The following FGD2 variants were observed in gnomAD, a reference collection of about 807,000 sequenced individuals.
FGD2 encodes FYVE, RhoGEF and PH domain containing 2.
In FGD2, 52 loss-of-function variants were observed where a neutral mutation model predicts 75.9. The observed-to-expected ratio is 0.69, with a 90% CI of 0.55 to 0.86. The LOEUF is 0.86. FGD2 is among the 40% of genes least tolerant of loss of function. The pLI is 0.00. For synonymous variants in FGD2, 347 were observed against 348.6 expected (o/e 1.00, Z 0.05); for missense variants, 790 against 872.0 (o/e 0.91, Z 1.18).
At chr6:37,012,482 T>G (rs139918887) in intron 4 of FGD2, among the ~76,000 whole-genome samples, 2,342 of 151,944 alleles carry the variant, frequency 0.015, 36 homozygotes, top group Middle Eastern at 0.054. Flanking sequence ...GAGGCCAAGG[T>G]GGGTGGATCA....
intron 9 of FGD2, among the ~76,000 whole-genome samples, chr6:37,019,659 G>A (rs1210667763): frequency 6.6e-6 from 1 of 152,168 alleles, no homozygotes; most frequent in Non-Finnish European, 1.5e-5. Context: ...GATGGAAATA[G>A]ATGTTCTTCC....
At chr6:37,020,440 AT>A in intron 9 of FGD2, 100 bp from the exon 10 acceptor site, 1 of 1,137,258 alleles carries the variant, frequency 8.8e-7, no homozygotes, top group East Asian at 2.6e-5. Context: ...TCGAATTTGA[AT>A]TGTCCCTTGG....
In FGD2 at chr6:37,028,380, T is replaced by C; in HGVS notation, c.*217T>C. The C allele has an allele frequency of 1.9e-6, 1 of 526,532 alleles. No individual in the cohort carries two copies. Among genetic ancestry groups the C allele is most frequent in the East Asian group, 3.0e-5 (1 of 33,880 alleles). The allele number at this position is 526,532 out of a possible 1,614,324, so 32.6% of individuals were successfully genotyped here. A position where few individuals can be genotyped will look rare whatever the true frequency, so the allele number is the denominator to read the frequency against. On this transcript the variant is annotated 3_prime_UTR_variant, in exon 16 of 16. Transcript: ENST00000274963. ...GACAACCAAGTGTCTCAGTTTGCCT[T>C]GCGGGGAGGGGGCTCCTGGGCCATG... is the stretch of plus-strand genomic sequence containing the variant.
Position 37,015,759 on chromosome 6 carries a change from C to A in FGD2, c.1030-9C>A. The A allele has an allele frequency of 1.3e-6, 2 of 1,578,046 alleles. No individual in the cohort carries two copies. Among genetic ancestry groups the A allele is most frequent in the Non-Finnish European group, 1.7e-6 (2 of 1,162,148 alleles). On this transcript the variant is annotated splice_polypyrimidine_tract_variant and intron_variant, in intron 8 of 15. Coordinates refer to ENST00000274963, the MANE Select transcript of FGD2 (RefSeq NM_173558.4). ...TGCCACGGGCCACTCACGCCTGTGT[C>A]TCCTGCAGTTCAACAACATGCTGCT...
chr6:37,012,764 A>G (rs1765073613), intron 4 of FGD2, among the ~76,000 whole-genome samples: 1 of 151,384 alleles, frequency 6.6e-6, no homozygotes, highest in Non-Finnish European at 1.5e-5. Context: ...ACCCTATGAG[A>G]TCGCCTGCCA....
intron 11 of FGD2, among the ~76,000 whole-genome samples, chr6:37,020,998 ATG>A (rs974528500): frequency 2.7e-5 from 4 of 147,368 alleles, no homozygotes; most frequent in African/African-American, 1.0e-4. Flanking sequence ...GTGTGCATGC[ATG>A]TGTGTGCGTG....
chr6:37,013,547 G>A, intron 4 of FGD2, 62 bp from the exon 5 acceptor site: 2 of 1,568,304 alleles, frequency 1.3e-6, no homozygotes, highest in Non-Finnish European at 1.7e-6. Flanking sequence ...GCCTCACCTG[G>A]CCCTATCTAG....
intron 1 of FGD2, 87 bp downstream of exon 1, chr6:37,005,972 C>T (rs1764729847): frequency 6.9e-7 from 1 of 1,442,532 alleles, no homozygotes. Context: ...TGGGCCCTGC[C>T]CCGGACCCTC....
Position 37,011,604 on chromosome 6 carries a change from G to A in FGD2, c.379-102G>A, listed in dbSNP as rs931142968. The A allele has an allele frequency of 2.0e-6, 3 of 1,491,534 alleles. No homozygotes were observed. The African/African-American group carries it at 4.2e-5, about 21-fold the overall frequency. The allele number at this position is 1,491,534 out of a possible 1,614,324, so 92.4% of individuals were successfully genotyped here. Reference sequence around the variant, plus strand: ...TGTGAGGATGCCGGGAGATCAGGGAGGTGGAAGCATGCAGTAGGCTTGGTG... The same window carrying A: ...TGTGAGGATGCCGGGAGATCAGGGAAGTGGAAGCATGCAGTAGGCTTGGTG... On this transcript the variant is annotated intron_variant, in intron 3 of 15. Transcript: ENST00000274963.
At chr6:37,022,216 G>T in intron 12 of FGD2, 23 bp from the exon 13 acceptor site, 1 of 1,595,466 alleles carries the variant, frequency 6.3e-7, no homozygotes. Context: ...GCCCATTCCT[G>T]CCCAACTCCC....
At chr6:37,018,923 A>G (rs1765436474) in intron 9 of FGD2, among the ~76,000 whole-genome samples, 2 of 152,210 alleles carry the variant, frequency 1.3e-5, no homozygotes, top group South Asian at 4.1e-4. Flanking sequence ...CCCTGGGGAA[A>G]GTGGTTGAGG....
chr6:37,008,699 C>T, intron 1 of FGD2, 135 bp from the exon 2 acceptor site: 1 of 645,874 alleles, frequency 1.5e-6, no homozygotes, highest in Non-Finnish European at 2.6e-6. Context: ...TCAGCATGTT[C>T]CCAAAGAAAG....
intron 9 of FGD2, among the ~76,000 whole-genome samples, chr6:37,016,847 C>G (rs1765323966): frequency 6.6e-6 from 1 of 152,020 alleles, no homozygotes. Flanking sequence ...TGTTTTTTAT[C>G]TTTTAAAAAT....
rs1202978557 is a variant in FGD2, at chr6:37,009,186, C to T, written c.300+121C>T. 5 of 902,612 alleles carry T rather than the reference C, an allele frequency of 5.5e-6. No individual in the cohort carries two copies. In the African/African-American group the frequency reaches 8.4e-5, roughly 15 times the overall value. 55.9% of individuals were successfully genotyped at this position (902,612 alleles called of 1,614,324 possible). On this transcript the variant is annotated intron_variant, in intron 2 of 15. Transcript: ENST00000274963. Reference sequence around the variant, plus strand: ...TCCCCAGGTGGGGGTATGGTGTGATCAGAGGTCAGCTGGGAGCTAGATTTC... The same window carrying T: ...TCCCCAGGTGGGGGTATGGTGTGATTAGAGGTCAGCTGGGAGCTAGATTTC...
At chr6:37,026,229 T>A in intron 14 of FGD2, 1 of 985,382 alleles carries the variant, frequency 1.0e-6, no homozygotes, top group Non-Finnish European at 1.2e-6. Flanking sequence ...TCTGGACAGC[T>A]CATGTTCACG....
intron 4 of FGD2, among the ~76,000 whole-genome samples, chr6:37,012,293 T>G (rs942424297): frequency 6.6e-6 from 1 of 152,242 alleles, no homozygotes; most frequent in Admixed American, 6.5e-5. Context: ...TTACTTGCCT[T>G]ATATAGTTTG....
Position 37,021,513 on chromosome 6 carries a change from C to T in FGD2, c.1235C>T (p.Ala412Val). The part of the protein sequence containing the change: ...SQEEMISWMQ[A>V]FQAAIDQIEK... ...ACCCTCCCCCTCCCTGCACCCCAGGCCTTCCAAGCAGCCATTGACCAAATC... is the reference window on the plus strand; with the variant it reads ...ACCCTCCCCCTCCCTGCACCCCAGGTCTTCCAAGCAGCCATTGACCAAATC... The change falls in exon 12 of 16, where the codon GCC (alanine) becomes GTC (valine). Residue 412 changes from alanine (A) to valine (V), a missense_variant and splice_region_variant. Coordinates refer to ENST00000274963, the MANE Select transcript of FGD2 (RefSeq NM_173558.4). 1 of 1,613,132 alleles carries T rather than the reference C, an allele frequency of 6.2e-7. No homozygotes were observed. The highest frequency in any genetic ancestry group is 8.5e-7 in the Non-Finnish European group (1 of 1,179,550).
chr6:37,021,016 ATGTATGTG>A (rs1053955947), intron 11 of FGD2, among the ~76,000 whole-genome samples: 70 of 148,008 alleles, frequency 4.7e-4, no homozygotes, highest in Admixed American at 1.2e-3. Context: ...GCGTGTGTAC[ATGTATGTG>A]TGTATGTGTA....
At chr6:37,014,768 C>T in intron 7 of FGD2, 64 bp downstream of exon 7, 3 of 1,610,802 alleles carry the variant, frequency 1.9e-6, no homozygotes, top group South Asian at 2.2e-5. Flanking sequence ...CTGGTCCCAC[C>T]CATGACACCT....
Sources: allele counts gnomAD v4.1 joint callset (sites outside exome capture counted in the v4.1 genomes callset), GRCh38; gene constraint gnomAD v4.1.1; transcripts MANE v1.5; gene names NCBI Gene and HGNC (gene_info 2026-07-23, HGNC 2026-07-21).